Variants in ASCC3 observed in about 807,000 individuals in gnomAD.
ASCC3 encodes the protein ASC-1 complex subunit P200.
ASCC3 carries 158 observed loss-of-function variants against 256.3 expected under a neutral mutation model. The ratio of observed to expected loss-of-function variants is 0.62; its 90% CI spans 0.54 to 0.70. The LOEUF (loss-of-function observed/expected upper bound fraction) is 0.70. Ranked by LOEUF, ASCC3 falls within the 30% of genes least tolerant of loss-of-function variation. ASCC3 has a pLI of 0.00. For missense variants in ASCC3, 2,259 were observed against 2,626.0 expected (o/e 0.86, Z 3.05); for synonymous variants, 948 against 883.4 (o/e 1.07, Z -1.30).
intron 22 of ASCC3, 31 bp downstream of exon 22, chr6:100,646,584 T>A: frequency 1.9e-6 from 3 of 1,613,268 alleles, no homozygotes; most frequent in Non-Finnish European, 1.7e-6. Flanking sequence ...TATTTTTGTT[T>A]AACACAGATA....
Position 100,627,624 on chromosome 6 carries a change from A to C in ASCC3, c.4608T>G (p.Pro1536=). The C allele has an allele frequency of 6.2e-7, 1 of 1,613,586 alleles. No individual in the cohort carries two copies. Among genetic ancestry groups the C allele is most frequent in the Non-Finnish European group, 8.5e-7 (1 of 1,179,706 alleles). The part of the protein sequence containing the change: ...IQGFPGQHYC[P]RMASMNKPAF... The stretch of plus-strand genomic sequence containing the variant: ...CAGGCTTGTTCATACTAGCCATACG[A>C]GGACAGTAATGTTGACCTGGAAAGC... The change falls in exon 29 of 42, where the codon CCT becomes CCG. Residue 1536 remains proline, a synonymous_variant. Transcript: ENST00000369162.
At chr6:100,675,942 CTTAAAA>C (rs896440969) in intron 14 of ASCC3, among the ~76,000 whole-genome samples, 17 of 152,060 alleles carry the variant, frequency 1.1e-4, no homozygotes. Context: ...ATTCATTTAA[CTTAAAA>C]TTAAAATCAC....
At chr6:100,559,890 T>A (rs1467490159) in intron 36 of ASCC3, among the ~76,000 whole-genome samples, 1 of 151,278 alleles carries the variant, frequency 6.6e-6, no homozygotes, top group Admixed American at 6.6e-5. Flanking sequence ...GTTAAAAACA[T>A]CACTTAATTC....
At chr6:100,638,875 T>C in intron 24 of ASCC3, 54 bp from the exon 25 acceptor site, 1 of 1,300,504 alleles carries the variant, frequency 7.7e-7, no homozygotes, top group Non-Finnish European at 1.1e-6. Flanking sequence ...CGCATAATAC[T>C]GAATACTGTA....
chr6:100,767,459 C>A, intron 8 of ASCC3, 114 bp from the exon 9 acceptor site: 1 of 1,071,346 alleles, frequency 9.3e-7, no homozygotes, highest in South Asian at 1.4e-5. Flanking sequence ...CTAATTTGTA[C>A]TTTCACAATG....
At chr6:100,556,286 C>T (rs1331360348) in intron 36 of ASCC3, among the ~76,000 whole-genome samples, 1 of 152,044 alleles carries the variant, frequency 6.6e-6, no homozygotes, top group African/African-American at 2.4e-5. Flanking sequence ...AATGAAATAT[C>T]AAAACAGGCC....
At chr6:100,595,154 C>T (rs1031218292) in intron 34 of ASCC3, among the ~76,000 whole-genome samples, 8 of 152,054 alleles carry the variant, frequency 5.3e-5, no homozygotes, top group East Asian at 1.9e-4. Context: ...TGGTAACTAT[C>T]GTTAATAATA....
chr6:100,627,585 C>A lies in ASCC3; in HGVS notation c.4642+5G>T. On this transcript the variant is annotated splice_donor_5th_base_variant and intron_variant, in intron 29 of 41. Transcript: ENST00000369162. ...ACTATTTTATTCCAAGAATCTGAAG[C>A]TTACCCTGAAATGCAGGCTTGTTCA... The A allele has an allele frequency of 9.9e-6, 16 of 1,613,170 alleles. No individual in the cohort carries two copies. The highest frequency in any genetic ancestry group is 1.3e-5 in the African/African-American group (1 of 74,986).
intron 10 of ASCC3, 88 bp from the exon 11 acceptor site, chr6:100,725,791 A>G: frequency 7.3e-7 from 1 of 1,367,504 alleles, no homozygotes; most frequent in South Asian, 1.2e-5. Flanking sequence ...TATTTTGGCC[A>G]CCTCTACATA....
At chr6:100,558,071 G>GAAA (rs61091826) in intron 36 of ASCC3, among the ~76,000 whole-genome samples, 3 of 129,530 alleles carry the variant, frequency 2.3e-5, no homozygotes, top group African/African-American at 8.3e-5. Flanking sequence ...TCACTTCTTT[G>GAAA]AAAAAAAAAA....
intron 14 of ASCC3, among the ~76,000 whole-genome samples, chr6:100,669,657 T>C (rs1015318121): frequency 6.6e-6 from 1 of 151,862 alleles, no homozygotes; most frequent in Non-Finnish European, 1.5e-5. Flanking sequence ...ATAATCAGGA[T>C]GTTTAATCCA....
At chr6:100,686,535 T>G (rs915668962) in intron 13 of ASCC3, among the ~76,000 whole-genome samples, 2 of 152,200 alleles carry the variant, frequency 1.3e-5, no homozygotes, top group African/African-American at 4.8e-5. Context: ...AGATCTCACA[T>G]CAGTATAGTT....
intron 13 of ASCC3, among the ~76,000 whole-genome samples, chr6:100,700,290 G>C (rs1158466747): frequency 6.6e-6 from 1 of 152,132 alleles, no homozygotes; most frequent in Admixed American, 6.5e-5. Flanking sequence ...TTGAGCCTGT[G>C]AGTGCACAGA....
intron 4 of ASCC3, among the ~76,000 whole-genome samples, chr6:100,839,583 A>G (rs1772041026): frequency 6.6e-6 from 1 of 152,136 alleles, no homozygotes; most frequent in South Asian, 2.1e-4. Flanking sequence ...TAAAAATCAG[A>G]CTTTCCACAA....
rs1582826068 is a variant in ASCC3 at position 100,763,155 on chromosome 6, C to G, written c.1737+3410G>C. On this transcript the variant is annotated intron_variant, in intron 10 of 41. Coordinates refer to ENST00000369162, the MANE Select transcript of ASCC3 (RefSeq NM_006828.4). ...ATTCTCTGCTTTGCTTTCTCTATAG[C>G]CTAATCTCAAAGGCAGTGACAGCAG... Among the ~76,000 whole-genome samples the G allele has an allele frequency of 2.0e-5, 3 of 152,248 alleles. No individual in the cohort carries two copies. The East Asian group carries it at 5.8e-4, about 29-fold the overall frequency.
intron 17 of ASCC3, among the ~76,000 whole-genome samples, chr6:100,654,985 T>C (rs1391137366): frequency 7.0e-6 from 1 of 143,024 alleles, no homozygotes; most frequent in Non-Finnish European, 1.5e-5. Context: ...GTTCAACTTA[T>C]ACAAATTTTG....
At chr6:100,765,652 C>T (rs1213532032) in intron 10 of ASCC3, among the ~76,000 whole-genome samples, 2 of 152,174 alleles carry the variant, frequency 1.3e-5, no homozygotes, top group Non-Finnish European at 2.9e-5. Flanking sequence ...CAAGCTGTAC[C>T]CCAATCACAT....
At chr6:100,722,831 C>A (rs1779410035) in intron 11 of ASCC3, among the ~76,000 whole-genome samples, 1 of 151,726 alleles carries the variant, frequency 6.6e-6, no homozygotes, top group Non-Finnish European at 1.5e-5. Context: ...TAAAGAAGAG[C>A]ACACAGTTCA....
At chr6:100,870,363 CAAAAAAA>C (rs11358403) in intron 1 of ASCC3, among the ~76,000 whole-genome samples, 1 of 141,094 alleles carries the variant, frequency 7.1e-6, no homozygotes, top group Non-Finnish European at 1.5e-5. Context: ...GAGTCCGTCT[CAAAAAAA>C]AAAAAAAATT....
Sources: gnomAD v4.1 joint callset for allele counts (sites outside exome capture counted in the v4.1 genomes callset) on GRCh38, gnomAD v4.1.1 for gene constraint, MANE v1.5 for transcripts, NCBI Gene and HGNC (gene_info 2026-07-23, HGNC 2026-07-21) for gene names.